GALNT13: variants seen among roughly 807,000 people sequenced by gnomAD.
GALNT13 encodes the protein polypeptide N-acetylgalactosaminyltransferase 13.
In GALNT13, 28 loss-of-function variants were observed where a neutral mutation model predicts 64.2. The ratio of observed to expected loss-of-function variants is 0.44; its 90% CI spans 0.32 to 0.60. The LOEUF is 0.60. GALNT13 is among the 20% of genes least tolerant of loss of function. The pLI, the probability that GALNT13 is intolerant of heterozygous loss-of-function variation, is 0.05. For missense variants in GALNT13, 577 were observed against 669.8 expected (o/e 0.86, Z 1.53); for synonymous variants, 214 against 224.6 (o/e 0.95, Z 0.42).
the GALNT13 span, among the ~76,000 whole-genome samples, chr2:153,693,552 G>GA: frequency 2.0e-5 from 3 of 152,014 alleles, no homozygotes; most frequent in African/African-American, 7.2e-5. Context: ...TGACTCGGGG[G>GA]AAAAACACAC....
At chr2:154,337,850 G>C (rs185722264) in intron 9 of GALNT13, among the ~76,000 whole-genome samples, 255 of 152,124 alleles carry the variant, frequency 1.7e-3, no homozygotes, top group Non-Finnish European at 2.7e-3. Context: ...TTATAAAAAA[G>C]AATGTTGTCG....
the GALNT13 span, among the ~76,000 whole-genome samples, chr2:153,245,609 C>T: frequency 1.2e-3 from 176 of 152,228 alleles, no homozygotes; most frequent in African/African-American, 4.0e-3. Flanking sequence ...AAAAGACCTC[C>T]CCCCCTCCCA....
chr2:153,604,611 A>T, the GALNT13 span, among the ~76,000 whole-genome samples: 1 of 152,076 alleles, frequency 6.6e-6, no homozygotes, highest in East Asian at 1.9e-4. Context: ...GTTGGATTAT[A>T]TGTCAAAGTG....
the GALNT13 span, among the ~76,000 whole-genome samples, chr2:153,820,908 G>A: frequency 6.6e-6 from 1 of 151,922 alleles, no homozygotes; most frequent in African/African-American, 2.4e-5. Context: ...CACTTAAAAT[G>A]CACAAAGTAG....
At chr2:153,282,938 C>T in the GALNT13 span, among the ~76,000 whole-genome samples, 4 of 152,184 alleles carry the variant, frequency 2.6e-5, no homozygotes, top group Non-Finnish European at 4.4e-5. Flanking sequence ...TAGCCCTGTG[C>T]ACTTCTGTCA....
chr2:153,186,135 G>T, the GALNT13 span, among the ~76,000 whole-genome samples: 1 of 152,092 alleles, frequency 6.6e-6, no homozygotes, highest in East Asian at 1.9e-4. Flanking sequence ...TATGAATCTT[G>T]GTGCTCCTGT....
At chr2:154,376,187 A>T (rs1427704302) in intron 9 of GALNT13, among the ~76,000 whole-genome samples, 2 of 152,238 alleles carry the variant, frequency 1.3e-5, no homozygotes, top group Non-Finnish European at 2.9e-5. Flanking sequence ...GTTGAAACAG[A>T]ATGGGGTGTT....
At chr2:154,005,355 A>T (rs951897090) in intron 3 of GALNT13, among the ~76,000 whole-genome samples, 2 of 152,002 alleles carry the variant, frequency 1.3e-5, no homozygotes, top group Non-Finnish European at 2.9e-5. Flanking sequence ...AGGTTTATGC[A>T]TTTATTCTGT....
intron 4 of GALNT13, among the ~76,000 whole-genome samples, chr2:154,166,654 G>A (rs1685042794): frequency 6.6e-6 from 1 of 152,174 alleles, no homozygotes; most frequent in Non-Finnish European, 1.5e-5. Context: ...TATAAATCAT[G>A]CTGCTATAAA....
chr2:153,416,270 CCA>C, the GALNT13 span, among the ~76,000 whole-genome samples: 7 of 152,192 alleles, frequency 4.6e-5, no homozygotes, highest in African/African-American at 1.7e-4. Context: ...TGAGAGAAAC[CCA>C]CAGTGTCTCA....
chr2:153,500,158 G>C, the GALNT13 span, among the ~76,000 whole-genome samples: 1 of 152,234 alleles, frequency 6.6e-6, no homozygotes, highest in South Asian at 2.1e-4. Context: ...TAATGACAGG[G>C]GGCATGTTTT....
chr2:153,450,383 A>G, the GALNT13 span, among the ~76,000 whole-genome samples: 1 of 152,080 alleles, frequency 6.6e-6, no homozygotes, highest in Non-Finnish European at 1.5e-5. Flanking sequence ...TTTCAGTTTG[A>G]ATGAAAAAAA....
rs367661186 is a variant in GALNT13 at position 154,297,139 on chromosome 2, C to A, written c.976-4270C>A. ...CCTGCTAAAGGATTTTGTTTATATT[C>A]ACAGTGCAATGAGAAACCATTCAAG... On this transcript the variant is annotated intron_variant, in intron 8 of 12. Coordinates refer to ENST00000392825, the MANE Select transcript of GALNT13 (RefSeq NM_052917.4). Among the ~76,000 whole-genome samples the A allele has an allele frequency of 7.2e-5, 11 of 152,176 alleles. No individual in the cohort carries two copies. The South Asian group carries it at 2.3e-3, about 32-fold the overall frequency.
chr2:154,071,188 C>T (rs931704288), intron 3 of GALNT13, among the ~76,000 whole-genome samples: 14 of 152,148 alleles, frequency 9.2e-5, no homozygotes, highest in Admixed American at 3.3e-4. Flanking sequence ...AGTGCTTTCT[C>T]TTTATTAATT....
chr2:154,179,667 A>G (rs928482369), intron 4 of GALNT13, among the ~76,000 whole-genome samples: 1 of 152,056 alleles, frequency 6.6e-6, no homozygotes. Context: ...GAAACAGGCC[A>G]CAAAGACGTA....
At chr2:153,901,251 C>T (rs180898474) in intron 2 of GALNT13, among the ~76,000 whole-genome samples, 32 of 152,176 alleles carry the variant, frequency 2.1e-4, no homozygotes, top group Admixed American at 5.9e-4. Context: ...AGTTTGAAGT[C>T]GGGTAATGTG....
At chr2:153,092,286 G>T in the GALNT13 span, among the ~76,000 whole-genome samples, 1 of 152,112 alleles carries the variant, frequency 6.6e-6, no homozygotes, top group East Asian at 1.9e-4. Context: ...GATTTCCTCC[G>T]TTTTGTTCCT....
chr2:154,409,120 G>A (rs1052297533), intron 11 of GALNT13, 38 bp downstream of exon 11: 10 of 1,224,726 alleles, frequency 8.2e-6, no homozygotes, highest in Non-Finnish European at 1.1e-5. Context: ...TGTTTTAGAG[G>A]GAAAATATTG....
At chr2:153,628,279 T>C in the GALNT13 span, among the ~76,000 whole-genome samples, 3 of 151,740 alleles carry the variant, frequency 2.0e-5, no homozygotes, top group Non-Finnish European at 2.9e-5. Flanking sequence ...TATACAATCA[T>C]GTCGTCTGCA....
Sources: allele counts gnomAD v4.1 joint callset (sites outside exome capture counted in the v4.1 genomes callset), GRCh38; gene constraint gnomAD v4.1.1; transcripts MANE v1.5; gene names NCBI Gene and HGNC (gene_info 2026-07-23, HGNC 2026-07-21).